Variants in PIP5K1B observed in about 807,000 individuals in gnomAD.
PIP5K1B encodes the protein phosphatidylinositol 4-phosphate 5-kinase type-1 beta.
In PIP5K1B, 42 loss-of-function variants were observed where a neutral mutation model predicts 67.0. The ratio of observed to expected loss-of-function variants is 0.63; its 90% confidence interval spans 0.49 to 0.81. PIP5K1B has a LOEUF of 0.81. Ranked by LOEUF, PIP5K1B falls within the 30% of genes least tolerant of loss-of-function variation. The pLI is 0.00. For missense variants in PIP5K1B, 459 were observed against 646.3 expected (o/e 0.71, Z 3.14); for synonymous variants, 214 against 231.4 (o/e 0.92, Z 0.68).
At chr9:68,789,500 TA>T in intron 2 of PIP5K1B, 1 of 521,372 alleles carries the variant, frequency 1.9e-6, no homozygotes, top group South Asian at 1.4e-5. Flanking sequence ...GGTAAACACT[TA>T]AGAGACAGTG....
At chr9:68,935,399 C>T (rs1003774582) in intron 13 of PIP5K1B, among the ~76,000 whole-genome samples, 5 of 152,082 alleles carry the variant, frequency 3.3e-5, no homozygotes, top group Admixed American at 6.6e-5. Flanking sequence ...ACCCAGGAGG[C>T]GGAGGCTGCA....
chr9:68,971,107 C>G (rs75139221), intron 14 of PIP5K1B, among the ~76,000 whole-genome samples: 9 of 152,140 alleles, frequency 5.9e-5, no homozygotes, highest in African/African-American at 2.2e-4. Flanking sequence ...ACCCCTCAAC[C>G]CGTCATCTCC....
intron 15 of PIP5K1B, among the ~76,000 whole-genome samples, chr9:69,001,195 C>T (rs2133024267): frequency 6.6e-6 from 1 of 152,138 alleles, no homozygotes; most frequent in Middle Eastern, 3.4e-3. Flanking sequence ...GTGTGAGCCA[C>T]CACACCCAGC....
At chr9:68,879,997 T>C (rs2132332860) in intron 6 of PIP5K1B, among the ~76,000 whole-genome samples, 1 of 152,280 alleles carries the variant, frequency 6.6e-6, no homozygotes. Context: ...ATCGGAAGGA[T>C]TGTGTACTCT....
At chr9:68,942,062 C>T (rs539626284) in intron 14 of PIP5K1B, among the ~76,000 whole-genome samples, 1 of 152,284 alleles carries the variant, frequency 6.6e-6, no homozygotes, top group Non-Finnish European at 1.5e-5. Context: ...CTCATCTAAA[C>T]TATACAAAGT....
intron 15 of PIP5K1B, among the ~76,000 whole-genome samples, chr9:69,007,873 G>A (rs1042923845): frequency 2.6e-5 from 4 of 151,824 alleles, no homozygotes; most frequent in African/African-American, 9.7e-5. Context: ...AAAAAAATAG[G>A]AAATCAGATG....
intron 1 of PIP5K1B, among the ~76,000 whole-genome samples, chr9:68,733,941 C>T (rs1160645073): frequency 6.6e-6 from 1 of 152,010 alleles, no homozygotes; most frequent in Non-Finnish European, 1.5e-5. Flanking sequence ...CCCGGCAATA[C>T]TTAGACTCTT....
At chr9:68,836,525 G>A (rs532085641) in intron 4 of PIP5K1B, among the ~76,000 whole-genome samples, 1 of 152,220 alleles carries the variant, frequency 6.6e-6, no homozygotes, top group Middle Eastern at 3.4e-3. Flanking sequence ...GGAATTTGGG[G>A]TATGCCAACT....
intron 6 of PIP5K1B, among the ~76,000 whole-genome samples, chr9:68,882,475 T>C (rs1239613536): frequency 6.6e-6 from 1 of 152,216 alleles, no homozygotes; most frequent in African/African-American, 2.4e-5. Flanking sequence ...TATTTGACAA[T>C]GTAGTAACCA....
chr9:68,914,595 G>A (rs1411782221), intron 8 of PIP5K1B, among the ~76,000 whole-genome samples: 1 of 151,986 alleles, frequency 6.6e-6, no homozygotes, highest in Admixed American at 6.6e-5. Context: ...GGCGCCTGTA[G>A]TCCCAGCTAC....
At chr9:68,789,712 A>G (rs1831851546) in intron 2 of PIP5K1B, 1 of 276,586 alleles carries the variant, frequency 3.6e-6, no homozygotes, top group Admixed American at 4.9e-5. Context: ...AGCCTTTTTC[A>G]GTCTGAAAGC....
At chr9:68,879,113 G>A (rs1824046162) in intron 6 of PIP5K1B, among the ~76,000 whole-genome samples, 1 of 152,232 alleles carries the variant, frequency 6.6e-6, no homozygotes, top group Non-Finnish European at 1.5e-5. Context: ...ATTTGATGGT[G>A]TTGAGAAATA....
intron 4 of PIP5K1B, among the ~76,000 whole-genome samples, chr9:68,856,175 T>C (rs1355077800): frequency 6.6e-6 from 1 of 152,138 alleles, no homozygotes; most frequent in East Asian, 1.9e-4. Flanking sequence ...GTCCAGTCTT[T>C]CCAGCCTCCA....
chr9:68,847,858 G>A (rs1822275194), intron 4 of PIP5K1B, among the ~76,000 whole-genome samples: 1 of 152,216 alleles, frequency 6.6e-6, no homozygotes, highest in African/African-American at 2.4e-5. Context: ...CTTGGAAACA[G>A]GCCCATGTAG....
chr9:69,003,236 C>T (rs1329772583), intron 15 of PIP5K1B, among the ~76,000 whole-genome samples: 1 of 151,862 alleles, frequency 6.6e-6, no homozygotes, highest in African/African-American at 2.4e-5. Context: ...GGAAACAGAG[C>T]AGACCTGGAA....
At chr9:68,954,815 C>T (rs1010082400) in intron 14 of PIP5K1B, among the ~76,000 whole-genome samples, 2 of 152,198 alleles carry the variant, frequency 1.3e-5, no homozygotes, top group African/African-American at 4.8e-5. Flanking sequence ...GGGTTGCAGT[C>T]AAATACCCAA....
At chr9:68,917,381 T>C (rs1826152378) in intron 8 of PIP5K1B, among the ~76,000 whole-genome samples, 167 bp from the exon 9 acceptor site, 1 of 152,206 alleles carries the variant, frequency 6.6e-6, no homozygotes. Flanking sequence ...GCATGTGGCC[T>C]AATAATAACC....
At chr9:68,822,516 C>G in intron 3 of PIP5K1B, 99 bp from the exon 4 acceptor site, 1 of 853,442 alleles carries the variant, frequency 1.2e-6, no homozygotes. Flanking sequence ...ATAACAAAAA[C>G]ATACTTAACT....
At chr9:68,965,593 A>C (rs1168796880) in intron 14 of PIP5K1B, 1 of 152,234 alleles carries the variant, frequency 6.6e-6, no homozygotes, top group Non-Finnish European at 1.5e-5. Flanking sequence ...TTTAAGGATG[A>C]GAAGGTTCAG....
Sources: gnomAD v4.1 joint callset for allele counts (sites outside exome capture counted in the v4.1 genomes callset) on GRCh38, gnomAD v4.1.1 for gene constraint, MANE v1.5 for transcripts, NCBI Gene and HGNC (gene_info 2026-07-23, HGNC 2026-07-21) for gene names.